Variants in EYS observed in about 807,000 individuals in gnomAD.
EYS encodes EGF-like photoreceptor maintenance factor.
A neutral mutation model predicts 282.1 loss-of-function variants in EYS; 250 were observed. The observed-to-expected ratio is 0.89, with a 90% confidence interval of 0.80 to 0.98. EYS has a LOEUF of 0.98. Ranked by LOEUF, EYS falls within the 50% of genes least tolerant of loss-of-function variation. The pLI is 0.00. For missense variants in EYS, 4,016 were observed against 3,709.0 expected (o/e 1.08, Z -2.15); for synonymous variants, 1,355 against 1,282.9 (o/e 1.06, Z -1.20).
In EYS at chr6:63,721,683, C is replaced by T. The variant is rs1768400035; in HGVS notation, c.8348G>A (p.Trp2783Ter). 2.6e-6 allele frequency: 4 copies of T among 1,551,312 alleles called. No individual in the cohort carries two copies. The highest frequency in any genetic ancestry group is 3.5e-6 in the Non-Finnish European group (4 of 1,146,720). ...AACTCTTCCTGCTTTTATTATATGC[C>T]AAGTACTTCCGTTTATAGTTACTTT... ...LQKVTINGST[W>*]HIIKAGRVGA... The change falls in exon 43 of 43, where the codon TGG becomes TAG. Residue 2783 changes from tryptophan to a stop codon, truncating the protein, a stop_gained. Coordinates refer to ENST00000503581, the MANE Select transcript of EYS (RefSeq NM_001142800.2). LOFTEE classifies it low-confidence loss of function (END_TRUNC).
intron 29 of EYS, among the ~76,000 whole-genome samples, chr6:64,324,670 T>C (rs901091745): frequency 6.6e-6 from 1 of 152,080 alleles, no homozygotes; most frequent in African/African-American, 2.4e-5. Flanking sequence ...GGAAAATAAG[T>C]CAAACGATCT....
chr6:65,242,897 A>T (rs1305571239), intron 12 of EYS, among the ~76,000 whole-genome samples: 1 of 152,086 alleles, frequency 6.6e-6, no homozygotes, highest in African/African-American at 2.4e-5. Flanking sequence ...TTGTGTGCTT[A>T]CAGGCCACTG....
At chr6:64,776,328 G>C (rs1583145198) in intron 22 of EYS, among the ~76,000 whole-genome samples, 1 of 151,902 alleles carries the variant, frequency 6.6e-6, no homozygotes, top group Non-Finnish European at 1.5e-5. Context: ...ATAGCTATAG[G>C]GTATCCTATT....
chr6:65,203,002 G>A (rs183296246), intron 12 of EYS, among the ~76,000 whole-genome samples: 9 of 152,190 alleles, frequency 5.9e-5, no homozygotes, highest in East Asian at 5.8e-4. Flanking sequence ...ACCCAGTGCC[G>A]CACAGCTTTG....
chr6:64,509,466 T>G (rs1777315546), intron 26 of EYS, among the ~76,000 whole-genome samples: 1 of 152,164 alleles, frequency 6.6e-6, no homozygotes, highest in Non-Finnish European at 1.5e-5. Context: ...CATGTAATTG[T>G]CCTTAGTTCT....
intron 31 of EYS, among the ~76,000 whole-genome samples, chr6:64,191,066 C>A (rs1562245628): frequency 1.3e-5 from 2 of 152,010 alleles, no homozygotes; most frequent in Non-Finnish European, 2.9e-5. Context: ...TTGTAATATT[C>A]TTACTGACTT....
rs547032948 is a variant in EYS, at chr6:63,845,486, G to A, written c.7228+18700C>T. Among the ~76,000 whole-genome samples the A allele has an allele frequency of 4.0e-4, 60 of 151,300 alleles. No homozygotes were observed. The South Asian group carries it at 4.6e-3, about 12-fold the overall frequency. On this transcript the variant is annotated intron_variant, in intron 36 of 42. Coordinates refer to ENST00000503581, the MANE Select transcript of EYS (RefSeq NM_001142800.2). ...CATGCAGATGTTAAAGGAATAAACC[G>A]CAGCACCACACTGCCCTTTACTCTA...
chr6:64,688,285 C>T (rs186398450), intron 22 of EYS, among the ~76,000 whole-genome samples: 3 of 151,896 alleles, frequency 2.0e-5, no homozygotes, highest in African/African-American at 4.8e-5. Flanking sequence ...TGTGTTTGCT[C>T]TTGCTTATCT....
intron 31 of EYS, among the ~76,000 whole-genome samples, chr6:64,222,906 T>C (rs1766143827): frequency 6.6e-6 from 1 of 151,800 alleles, no homozygotes; most frequent in South Asian, 2.1e-4. Context: ...AGTCTTATAT[T>C]AAGTCCAAGA....
At chr6:63,843,100 T>G (rs1772005774) in intron 36 of EYS, among the ~76,000 whole-genome samples, 1 of 152,216 alleles carries the variant, frequency 6.6e-6, no homozygotes, top group Non-Finnish European at 1.5e-5. Context: ...AGCTCTTTTT[T>G]GGTTTCATAT....
In EYS at chr6:64,138,241, G is replaced by GA. The variant is rs1220161332; in HGVS notation, c.6425-56240dup. 2.0e-5 allele frequency among the ~76,000 whole-genome samples: 3 copies of GA among 152,056 alleles called. No homozygotes were observed. The East Asian group carries it at 5.8e-4, about 29-fold the overall frequency. ...GACATTAGAAAGCTGGCTAGAAAAA[G>GA]AAAAAGAGGAATGGCTAAATGGGAA... On this transcript the variant is annotated intron_variant, in intron 31 of 42. Coordinates refer to ENST00000503581, the MANE Select transcript of EYS (RefSeq NM_001142800.2).
chr6:65,564,170 C>A (rs1466050442), intron 2 of EYS, among the ~76,000 whole-genome samples: 2 of 151,848 alleles, frequency 1.3e-5, no homozygotes, highest in Non-Finnish European at 2.9e-5. Flanking sequence ...ATAGGAATAA[C>A]CAATATTGAA....
At chr6:64,624,745 A>G (rs1469601978) in intron 23 of EYS, among the ~76,000 whole-genome samples, 1 of 152,154 alleles carries the variant, frequency 6.6e-6, no homozygotes, top group East Asian at 1.9e-4. Flanking sequence ...ACTTCACATA[A>G]ATCATATTAG....
At chr6:65,350,456 C>T (rs1261083412) in intron 9 of EYS, among the ~76,000 whole-genome samples, 3 of 151,184 alleles carry the variant, frequency 2.0e-5, no homozygotes, top group Non-Finnish European at 3.0e-5. Context: ...CTCACAAATG[C>T]AACAATCACT....
chr6:64,779,417 T>C (rs1298673218), intron 22 of EYS, among the ~76,000 whole-genome samples: 1 of 152,030 alleles, frequency 6.6e-6, no homozygotes, highest in Non-Finnish European at 1.5e-5. Flanking sequence ...ATGATTCTTA[T>C]TATATGACAT....
At chr6:65,333,873 T>C (rs888485437) in intron 11 of EYS, among the ~76,000 whole-genome samples, 7 of 151,576 alleles carry the variant, frequency 4.6e-5, no homozygotes, top group African/African-American at 1.7e-4. Context: ...CTGATGTTAG[T>C]ATAGGCACTC....
chr6:64,231,466 A>G (rs1014717337), intron 30 of EYS, among the ~76,000 whole-genome samples: 2 of 151,954 alleles, frequency 1.3e-5, no homozygotes, highest in Non-Finnish European at 2.9e-5. Context: ...GATTCCTAAT[A>G]AGTACCTTAA....
chr6:64,835,055 G>C (rs1459076861), intron 19 of EYS, among the ~76,000 whole-genome samples: 1 of 151,712 alleles, frequency 6.6e-6, no homozygotes. Flanking sequence ...TTTTGTACTA[G>C]TAAATGTTTA....
intron 23 of EYS, among the ~76,000 whole-genome samples, chr6:64,623,936 C>A (rs1457905234): frequency 6.6e-6 from 1 of 152,064 alleles, no homozygotes; most frequent in African/African-American, 2.4e-5. Flanking sequence ...CCTTAAATAA[C>A]TTTAAAGGGA....
Sources: allele counts gnomAD v4.1 joint callset (sites outside exome capture counted in the v4.1 genomes callset), GRCh38; gene constraint gnomAD v4.1.1; transcripts MANE v1.5; gene names NCBI Gene and HGNC (gene_info 2026-07-23, HGNC 2026-07-21).